Variants in GPHN observed in about 807,000 individuals in gnomAD.
The protein encoded by GPHN is gephyrin.
Under a neutral mutation model 95.5 loss-of-function variants are expected in GPHN, and 17 were observed. The ratio of observed to expected loss-of-function variants is 0.18; its 90% CI spans 0.12 to 0.27. The LOEUF (loss-of-function observed/expected upper bound fraction) is 0.27, where lower values mean the gene tolerates loss of function less well. Among genes scored for constraint, GPHN ranks in the 10% least tolerant of loss-of-function variants. The probability of loss-of-function intolerance (pLI) is 1.00; values close to 1 mark genes in which losing one functional copy is unlikely to be tolerated. For synonymous variants in GPHN, 320 were observed against 322.5 expected, an observed-to-expected ratio of 0.99 and a Z score of 0.08; for missense variants, 660 against 978.1, an observed-to-expected ratio of 0.67 and a Z score of 4.34.
intron 1 of GPHN, among the ~76,000 whole-genome samples, chr14:66,575,218 T>A (rs1941484295): frequency 7.4e-6 from 1 of 135,550 alleles, no homozygotes; most frequent in South Asian, 2.2e-4. Flanking sequence ...GGTTGACAGA[T>A]TTTTTTTCCC....
At chr14:66,803,319 CTA>C (rs753194585) in intron 3 of GPHN, among the ~76,000 whole-genome samples, 1 of 152,204 alleles carries the variant, frequency 6.6e-6, no homozygotes, top group Non-Finnish European at 1.5e-5. Context: ...GTCCTGTTGA[CTA>C]TTCAAAACTT....
chr14:67,207,482 G>C, the GPHN span, among the ~76,000 whole-genome samples: 1 of 151,796 alleles, frequency 6.6e-6, no homozygotes, highest in East Asian at 1.9e-4. Context: ...CCTCCCACTA[G>C]GCCCACTTCC....
At chr14:67,312,652 G>C in the GPHN span, 2 of 1,613,256 alleles carry the variant, frequency 1.2e-6, no homozygotes, top group South Asian at 1.1e-5. Context: ...ATCCAAACTG[G>C]TGGCAGGCCT....
rs767013872 is a variant in GPHN, at chr14:66,508,637, C to T, written c.64+46C>T. 8.6e-6 allele frequency: 13 copies of T among 1,503,438 alleles called. No individual in the cohort carries two copies. In the Admixed American group the frequency reaches 1.8e-4, roughly 21 times the overall value. 93.1% of individuals were successfully genotyped at this position (1,503,438 alleles called of 1,614,324 possible). The stretch of plus-strand genomic sequence containing the variant: ...GGGACCTATGAGGCTGCTGTCCCTG[C>T]ATTGCCTTAGGCTTTTCGCCTGTGG... On this transcript the variant is annotated intron_variant, in intron 1 of 22. Coordinates refer to ENST00000478722, the MANE Select transcript of GPHN (RefSeq NM_020806.5).
rs531880095 is a variant in GPHN, at chr14:66,685,893, G to A, written c.143+4708G>A. ...TTATGGTTTTAGGTCTAACATGTAA[G>A]TCTTTAATCCATCTTGAATTAATTT... On this transcript the variant is annotated intron_variant, in intron 2 of 22. Coordinates refer to ENST00000478722, the MANE Select transcript of GPHN (RefSeq NM_020806.5). Among the ~76,000 whole-genome samples, 102 of 152,332 alleles carry A rather than the reference G, an allele frequency of 6.7e-4. 1 individual carries two copies. In the East Asian group the frequency reaches 0.02, roughly 29 times the overall value.
At chr14:66,975,683 C>T (rs1286907318) in intron 9 of GPHN, among the ~76,000 whole-genome samples, 1 of 151,104 alleles carries the variant, frequency 6.6e-6, no homozygotes, top group African/African-American at 2.4e-5. Context: ...AGTTCAGGAC[C>T]AGCCTGGGCA....
intron 2 of GPHN, among the ~76,000 whole-genome samples, chr14:66,768,930 A>G (rs2059062226): frequency 6.6e-6 from 1 of 152,042 alleles, no homozygotes; most frequent in African/African-American, 2.4e-5. Context: ...TATATATAAT[A>G]TACATATATA....
intron 6 of GPHN, among the ~76,000 whole-genome samples, chr14:66,920,069 A>G (rs893164367): frequency 2.6e-5 from 4 of 152,024 alleles, no homozygotes; most frequent in African/African-American, 9.7e-5. Flanking sequence ...CCGTCTCAAA[A>G]CAAACAAACA....
the GPHN span, chr14:67,691,100 T>C: frequency 3.7e-6 from 5 of 1,352,262 alleles, no homozygotes; most frequent in Non-Finnish European, 3.2e-6. Context: ...AAAGAGAATT[T>C]TGGGTCTCTC....
At chr14:66,817,831 C>T (rs2061038639) in intron 3 of GPHN, among the ~76,000 whole-genome samples, 4 of 152,082 alleles carry the variant, frequency 2.6e-5, no homozygotes, top group Non-Finnish European at 5.9e-5. Flanking sequence ...AGAATGGAAA[C>T]CTTTTGAAAC....
chr14:66,623,501 C>A (rs1369060268), intron 1 of GPHN, among the ~76,000 whole-genome samples: 1 of 151,746 alleles, frequency 6.6e-6, no homozygotes, highest in Non-Finnish European at 1.5e-5. Context: ...ACCTGTAGTC[C>A]CAGTTACTTG....
chr14:67,701,881 C>T, the GPHN span: 1 of 152,154 alleles, frequency 6.6e-6, no homozygotes, highest in Non-Finnish European at 1.5e-5. Context: ...GTAACCTCAA[C>T]TCCTGGGCAC....
chr14:66,609,234 T>C (rs2062676303), intron 1 of GPHN, among the ~76,000 whole-genome samples: 1 of 152,144 alleles, frequency 6.6e-6, no homozygotes, highest in Non-Finnish European at 1.5e-5. Flanking sequence ...AATTCTTCAT[T>C]GGAATTTATT....
the GPHN span, chr14:67,199,112 G>T: frequency 1.8e-4 from 221 of 1,261,720 alleles, no homozygotes; most frequent in Middle Eastern, 1.1e-3. Flanking sequence ...CTGTGTACGT[G>T]GGGGGCCTGA....
the GPHN span, chr14:67,569,335 C>T: frequency 7.7e-6 from 5 of 652,370 alleles, no homozygotes; most frequent in Middle Eastern, 2.8e-4. Context: ...ACCCTGTTCC[C>T]CTCCCCAGCA....
the GPHN span, chr14:67,724,399 T>G: frequency 5.3e-4 from 526 of 989,500 alleles, 3 homozygotes; most frequent in East Asian, 1.8e-3. Flanking sequence ...AGAGTTTTTT[T>G]TTTTTTTTTT....
At chr14:66,938,747 G>A (rs2067250302) in intron 8 of GPHN, among the ~76,000 whole-genome samples, 1 of 152,042 alleles carries the variant, frequency 6.6e-6, no homozygotes, top group South Asian at 2.1e-4. Context: ...TAATCTTCAG[G>A]TAAACATCAA....
intron 4 of GPHN, among the ~76,000 whole-genome samples, chr14:66,875,899 A>G (rs1219560053): frequency 6.6e-6 from 1 of 152,126 alleles, no homozygotes; most frequent in African/African-American, 2.4e-5. Flanking sequence ...TGGACCAAGC[A>G]GACCTAATAG....
At chr14:66,847,796 T>C (rs1024654137) in intron 4 of GPHN, among the ~76,000 whole-genome samples, 1 of 152,068 alleles carries the variant, frequency 6.6e-6, no homozygotes, top group African/African-American at 2.4e-5. Flanking sequence ...ATTTTGAATA[T>C]AGATAATAAC....
Sources: gnomAD v4.1 joint callset for allele counts (sites outside exome capture counted in the v4.1 genomes callset) on GRCh38, gnomAD v4.1.1 for gene constraint, MANE v1.5 for transcripts, NCBI Gene and HGNC (gene_info 2026-07-23, HGNC 2026-07-21) for gene names.